The following USP32 variants were observed in gnomAD, a reference collection of about 807,000 sequenced individuals.
USP32 encodes the protein ubiquitin carboxyl-terminal hydrolase 32.
Under a neutral mutation model 204.8 loss-of-function variants are expected in USP32, and 59 were observed. The ratio of observed to expected loss-of-function variants is 0.29; its 90% CI spans 0.23 to 0.36. The LOEUF (loss-of-function observed/expected upper bound fraction) is 0.36, where lower values mean the gene tolerates loss of function less well. Among genes scored for constraint, USP32 ranks in the 10% least tolerant of loss-of-function variants. The pLI, the probability that USP32 is intolerant of heterozygous loss-of-function variation, is 1.00. For synonymous variants in USP32, 517 were observed against 678.4 expected (o/e 0.76, Z 3.70); for missense variants, 1,160 against 1,946.4 (o/e 0.60, Z 7.60).
At chr17:60,346,436 G>A (rs2088787663) in intron 1 of USP32, among the ~76,000 whole-genome samples, 1 of 152,120 alleles carries the variant, frequency 6.6e-6, no homozygotes, top group Admixed American at 6.5e-5. Flanking sequence ...TGTACTCCTT[G>A]AGCACATCTC....
chr17:60,192,581 C>T (rs527512636), intron 28 of USP32, among the ~76,000 whole-genome samples: 124 of 152,162 alleles, frequency 8.1e-4, no homozygotes, highest in African/African-American at 2.9e-3. Flanking sequence ...ATTACAGGCA[C>T]GCATCACCAC....
chr17:60,244,957 T>C (rs1481423279), intron 11 of USP32, among the ~76,000 whole-genome samples: 1 of 152,232 alleles, frequency 6.6e-6, no homozygotes, highest in Non-Finnish European at 1.5e-5. Context: ...GTTTGATTGA[T>C]ACTAATTTAT....
At chr17:60,255,506 G>A (rs2086279481) in intron 9 of USP32, among the ~76,000 whole-genome samples, 1 of 152,120 alleles carries the variant, frequency 6.6e-6, no homozygotes, top group East Asian at 1.9e-4. Flanking sequence ...CACTATGTTG[G>A]CCAGGCTGGT....
intron 1 of USP32, among the ~76,000 whole-genome samples, chr17:60,407,224 G>A (rs1323558663): frequency 6.6e-6 from 1 of 152,118 alleles, no homozygotes; most frequent in African/African-American, 2.4e-5. Flanking sequence ...AAAGGAAGAA[G>A]GTATGCAAAA....
intron 1 of USP32, among the ~76,000 whole-genome samples, chr17:60,412,155 C>T (rs1390951749): frequency 1.3e-5 from 2 of 152,106 alleles, no homozygotes; most frequent in African/African-American, 4.8e-5. Context: ...GCTCACCACA[C>T]CGGTATTTTC....
intron 11 of USP32, chr17:60,249,642 A>T: frequency 1.5e-6 from 1 of 672,656 alleles, no homozygotes; most frequent in Admixed American, 2.2e-5. Flanking sequence ...GAGGAAATGA[A>T]AGCTGCTCCT....
chr17:60,421,855 C>T, intron 1 of USP32: 1 of 985,458 alleles, frequency 1.0e-6, no homozygotes, highest in South Asian at 4.7e-5. Flanking sequence ...GCTGCGCACA[C>T]GAGGCCGGCG....
chr17:60,371,999 T>C (rs756440624), intron 1 of USP32, among the ~76,000 whole-genome samples: 1 of 152,164 alleles, frequency 6.6e-6, no homozygotes, highest in Non-Finnish European at 1.5e-5. Context: ...AAGGTAAACA[T>C]TTAACAGTTA....
intron 6 of USP32, 104 bp from the exon 7 acceptor site, chr17:60,269,661 ATT>A: frequency 1.1e-6 from 1 of 906,262 alleles, no homozygotes; most frequent in Non-Finnish European, 1.6e-6. Flanking sequence ...AACTGACTGA[ATT>A]TTTTTTTAAG....
chr17:60,236,832 A>G (rs929853716), intron 11 of USP32, among the ~76,000 whole-genome samples: 1 of 152,226 alleles, frequency 6.6e-6, no homozygotes, highest in Non-Finnish European at 1.5e-5. Context: ...TCATATAAAT[A>G]AAATGATAAA....
At chr17:60,266,790 G>A (rs1395339465) in intron 7 of USP32, among the ~76,000 whole-genome samples, 1 of 151,984 alleles carries the variant, frequency 6.6e-6, no homozygotes, top group Non-Finnish European at 1.5e-5. Flanking sequence ...GAGAAGCTGG[G>A]ACTATAGACA....
chr17:60,344,128 A>AT (rs1223926673), intron 2 of USP32, among the ~76,000 whole-genome samples: 19,938 of 131,086 alleles, frequency 0.15, 3,253 homozygotes, highest in African/African-American at 0.4. Context: ...TAAAATTCCT[A>AT]TTTTTTTTTT....
chr17:60,235,006 T>A (rs188799204), intron 12 of USP32, among the ~76,000 whole-genome samples: 1 of 152,204 alleles, frequency 6.6e-6, no homozygotes, highest in Non-Finnish European at 1.5e-5. Context: ...ATTTCTTTAG[T>A]GCACAAAAGG....
chr17:60,349,512 A>G (rs1351355811), intron 1 of USP32, among the ~76,000 whole-genome samples: 55 of 144,274 alleles, frequency 3.8e-4, no homozygotes, highest in Non-Finnish European at 6.9e-4. Context: ...CAAAGGTTGC[A>G]GTGAGCTGAG....
At chr17:60,390,829 T>C (rs908270865) in intron 1 of USP32, among the ~76,000 whole-genome samples, 1 of 152,202 alleles carries the variant, frequency 6.6e-6, no homozygotes, top group African/African-American at 2.4e-5. Context: ...CTAATCTTCT[T>C]AATGTTTTTT....
rs957565362 is a variant in USP32, at chr17:60,410,141, A to G, written c.106+12105T>C. On this transcript the variant is annotated intron_variant, in intron 1 of 3. Coordinates refer to the USP32 transcript ENST00000588898. Reference sequence around the variant, plus strand: ...CTCCTATAGATAACATCACTATTGTAAAATCTAAGATTGATGTTTGAGGTA... The same window carrying G: ...CTCCTATAGATAACATCACTATTGTGAAATCTAAGATTGATGTTTGAGGTA... 4.6e-5 allele frequency among the ~76,000 whole-genome samples: 7 copies of G among 152,198 alleles called. No homozygotes were observed. The East Asian group carries it at 1.2e-3, about 25-fold the overall frequency.
chr17:60,333,814 C>T (rs1054181252), intron 2 of USP32, among the ~76,000 whole-genome samples: 16 of 152,180 alleles, frequency 1.1e-4, no homozygotes, highest in African/African-American at 3.9e-4. Context: ...TTTATGTCAT[C>T]TGTTTACAGC....
intron 16 of USP32, 108 bp downstream of exon 16, chr17:60,219,561 CT>C (rs751193414): frequency 0.14 from 94,952 of 681,392 alleles, 996 homozygotes; most frequent in African/African-American, 0.25. Flanking sequence ...TAGTTTTCAC[CT>C]TTTTTTTTTT....
intron 29 of USP32, among the ~76,000 whole-genome samples, chr17:60,190,296 C>T (rs1331677265): frequency 1.3e-5 from 2 of 152,146 alleles, no homozygotes; most frequent in Non-Finnish European, 2.9e-5. Context: ...CTAAATAAAC[C>T]TCTTTTCTTT....
Sources: allele counts gnomAD v4.1 joint callset (sites outside exome capture counted in the v4.1 genomes callset), GRCh38; gene constraint gnomAD v4.1.1; transcripts MANE v1.5; gene names NCBI Gene and HGNC (gene_info 2026-07-23, HGNC 2026-07-21).